The following RGS3 variants were observed in gnomAD, a reference collection of about 807,000 sequenced individuals.
The protein encoded by RGS3 is regulator of G-protein signalling 3.
RGS3 carries 80 observed loss-of-function variants against 132.6 expected under a neutral mutation model. The observed-to-expected ratio is 0.60, with a 90% CI of 0.50 to 0.73. The LOEUF (loss-of-function observed/expected upper bound fraction) is 0.73. RGS3 is among the 30% of genes least tolerant of loss of function. The pLI, the probability that RGS3 is intolerant of heterozygous loss-of-function variation, is 0.00. For missense variants in RGS3, 1,382 were observed against 1,530.8 expected, an observed-to-expected ratio of 0.90 and a Z score of 1.62; for synonymous variants, 598 against 620.6, an observed-to-expected ratio of 0.96 and a Z score of 0.54.
At chr9:113,561,777 C>T (rs1017188071) in intron 19 of RGS3, among the ~76,000 whole-genome samples, 4 of 152,108 alleles carry the variant, frequency 2.6e-5, no homozygotes, top group African/African-American at 4.8e-5. Context: ...AGGAAGACAG[C>T]GGAAATCTCA....
At chr9:113,596,746 A>G (rs773063065) in intron 24 of RGS3, 22 bp from the exon 23 acceptor site, 1 of 1,595,658 alleles carries the variant, frequency 6.3e-7, no homozygotes, top group South Asian at 1.1e-5. Flanking sequence ...AGCCCTGACC[A>G]TGTCCCCCTC....
chr9:113,591,045 T>TGCCTCTCACCTGCTCACTGCA lies in RGS3; in HGVS notation c.3016-287_3016-286insCCTCTCACCTGCTCACTGCAG, dbSNP rs1835395206. 6.6e-6 allele frequency among the ~76,000 whole-genome samples: 1 copy of TGCCTCTCACCTGCTCACTGCA among 152,246 alleles called. No homozygotes were observed. The highest frequency in any genetic ancestry group is 1.9e-4 in the East Asian group (1 of 5,194). On this transcript the variant is annotated intron_variant, in intron 20 of 24. Transcript: ENST00000350696. The surrounding 1 kb of genome is among the most constrained non-coding windows in gnomAD (Gnocchi z 4.4). Reference sequence around the variant, plus strand: ...CCTCTCACCTGCTCACTGCCTGCAATGAAGCCTCTGTCCTGAGTGCCAGCC... The same window carrying TGCCTCTCACCTGCTCACTGCA: ...CCTCTCACCTGCTCACTGCCTGCAATGCCTCTCACCTGCTCACTGCAGAAGCCTCTGTCCTGAGTGCCAGCC...
intron 1 of RGS3, among the ~76,000 whole-genome samples, chr9:113,449,119 C>T (rs1463172972): frequency 6.6e-6 from 1 of 152,106 alleles, no homozygotes; most frequent in African/African-American, 2.4e-5. Flanking sequence ...AAATCAATGC[C>T]TTAGAAAATG....
chr9:113,575,106 C>T (rs868392429), intron 19 of RGS3, among the ~76,000 whole-genome samples: 2 of 152,132 alleles, frequency 1.3e-5, no homozygotes, highest in African/African-American at 2.4e-5. Context: ...AACCCAGACC[C>T]CGGGAGCCGC....
rs1400011113 is a variant in RGS3 at position 113,463,325 on chromosome 9, T to G, written c.415+1124T>G. On this transcript the variant is annotated intron_variant, in intron 3 of 24. Transcript: ENST00000350696. This position sits in a 1 kb window ranked among gnomAD's most constrained non-coding sequence, Gnocchi z 4.6. ...CTCACTGCCCTGGGCCATCGGGTGC[T>G]CCTTTGCCTTTGCTTGGATCTAATG... Among the ~76,000 whole-genome samples, 1 of 152,142 alleles carries G rather than the reference T, an allele frequency of 6.6e-6. No homozygotes were observed. The highest frequency in any genetic ancestry group is 1.9e-4 in the East Asian group (1 of 5,184).
chr9:113,527,431 C>A (rs972975883), intron 17 of RGS3, among the ~76,000 whole-genome samples: 2 of 152,128 alleles, frequency 1.3e-5, no homozygotes, highest in African/African-American at 2.4e-5. Flanking sequence ...CAAAAGAAAC[C>A]ACCTCCTCTT....
intron 4 of RGS3, 82 bp downstream of exon 2, chr9:113,479,623 G>A (rs1830099478): frequency 8.0e-6 from 10 of 1,244,552 alleles, no homozygotes; most frequent in Non-Finnish European, 1.2e-5. Flanking sequence ...GGGGGATGGT[G>A]GCACCATGGG....
At chr9:113,513,053 G>A (rs113075170) in intron 14 of RGS3, among the ~76,000 whole-genome samples, 5,989 of 152,210 alleles carry the variant, frequency 0.039, 163 homozygotes, top group South Asian at 0.099. Context: ...AAAATTAGCC[G>A]GGCGTGGTGG....
chr9:113,472,266 A>G (rs567472861), intron 3 of RGS3, among the ~76,000 whole-genome samples: 1 of 152,334 alleles, frequency 6.6e-6, no homozygotes, highest in South Asian at 2.1e-4. Flanking sequence ...ACTCTTAGGT[A>G]TAAATCCAAG....
intron 19 of RGS3, among the ~76,000 whole-genome samples, chr9:113,567,859 T>A (rs1200256332): frequency 6.6e-6 from 1 of 152,194 alleles, no homozygotes; most frequent in Non-Finnish European, 1.5e-5. Flanking sequence ...CTGGGGTTAT[T>A]GATCCTCAAG....
chr9:113,481,994 C>T (rs1052533716), intron 4 of RGS3, among the ~76,000 whole-genome samples: 9 of 150,316 alleles, frequency 6.0e-5, no homozygotes, highest in Non-Finnish European at 1.3e-4. Flanking sequence ...TGCAGTGAGC[C>T]GAGATCGTGC....
At chr9:113,577,203 C>T (rs754289269) in intron 19 of RGS3, among the ~76,000 whole-genome samples, 4 of 152,104 alleles carry the variant, frequency 2.6e-5, no homozygotes, top group Non-Finnish European at 4.4e-5. Context: ...AGGCTGGTCT[C>T]GAACTCCTGA....
At chr9:113,502,512 C>T (rs982143313) in intron 10 of RGS3, among the ~76,000 whole-genome samples, 8 of 152,246 alleles carry the variant, frequency 5.3e-5, no homozygotes, top group Admixed American at 3.3e-4. Context: ...AGCCCTCCCC[C>T]GCTCTCAGGT....
intron 3 of RGS3, among the ~76,000 whole-genome samples, chr9:113,470,716 G>C: frequency 6.6e-6 from 1 of 152,108 alleles, no homozygotes; most frequent in East Asian, 1.9e-4. Flanking sequence ...TATAATCCCA[G>C]CACTTTGGGA....
chr9:113,577,563 T>C (rs908918145), intron 19 of RGS3, among the ~76,000 whole-genome samples: 1 of 152,176 alleles, frequency 6.6e-6, no homozygotes, highest in African/African-American at 2.4e-5. Context: ...ACATTCAGTG[T>C]AGGGCTTGTA....
chr9:113,453,087 G>T (rs1306782786), intron 1 of RGS3, among the ~76,000 whole-genome samples: 21 of 126,216 alleles, frequency 1.7e-4, no homozygotes, highest in African/African-American at 5.9e-4. Context: ...ATATAATATA[G>T]AAATATATTT....
At chr9:113,535,792 G>C (rs1391851874) in intron 18 of RGS3, among the ~76,000 whole-genome samples, 1 of 152,158 alleles carries the variant, frequency 6.6e-6, no homozygotes, top group East Asian at 1.9e-4. Context: ...AGCCCTTTGG[G>C]GTTATAATCA....
At chr9:113,498,059 T>G (rs1830743693) in exon 10 of RGS3, 2 of 1,613,818 alleles carry the variant, frequency 1.2e-6, no homozygotes, top group South Asian at 1.1e-5. Flanking sequence ...GTGGGGACAC[T>G]GAGAATGGGA....
rs545223191 is a variant in RGS3 at position 113,583,646 on chromosome 9, A to T, written c.2234A>T (p.Asp745Val). The T allele has an allele frequency of 3.1e-6, 5 of 1,613,850 alleles. No individual in the cohort carries two copies. In the East Asian group the frequency reaches 8.9e-5, roughly 29 times the overall value. ...AGCCAAGAACCACTGTCCAGCAAAGACTCAGCTACCTCTGAAGGATCCCCT... is the reference window on the plus strand; with the variant it reads ...AGCCAAGAACCACTGTCCAGCAAAGTCTCAGCTACCTCTGAAGGATCCCCT... The change falls in exon 20 of 25, where the codon GAC becomes GTC. Residue 745 changes from aspartate (D) to valine (V), a missense_variant. By Grantham distance (152) the Asp-to-Val change is radical (BLOSUM62 -3). Transcript: ENST00000350696.
Sources: gnomAD v4.1 joint callset for allele counts (sites outside exome capture counted in the v4.1 genomes callset) on GRCh38, gnomAD v4.1.1 for gene constraint, Gnocchi (gnomAD v3.1) non-coding constraint, MANE v1.5 for transcripts, NCBI Gene and HGNC (gene_info 2026-07-23, HGNC 2026-07-21) for gene names.